The following TRDN variants were observed in gnomAD, a reference collection of about 807,000 sequenced individuals.
The protein encoded by TRDN is triadin in skeletal muscle.
A neutral mutation model predicts 149.7 loss-of-function variants in TRDN; 161 were observed. The observed-to-expected ratio is 1.08, with a 90% CI of 0.95 to 1.23. The LOEUF (loss-of-function observed/expected upper bound fraction) is 1.23. Ranked by LOEUF, TRDN falls within the 50% of genes most tolerant of loss-of-function variation. The pLI is 0.00. For missense variants in TRDN, 896 were observed against 823.5 expected (o/e 1.09, Z -1.08); for synonymous variants, 294 against 250.5 (o/e 1.17, Z -1.64).
At chr6:123,297,840 G>A (rs937489933) in intron 24 of TRDN, among the ~76,000 whole-genome samples, 9 of 151,948 alleles carry the variant, frequency 5.9e-5, no homozygotes, top group Non-Finnish European at 1.2e-4. Context: ...AAACAAAGTG[G>A]ATATACCTCA....
At chr6:123,267,646 T>C in intron 32 of TRDN, 61 bp downstream of exon 32, 1 of 1,216,148 alleles carries the variant, frequency 8.2e-7, no homozygotes, top group Non-Finnish European at 1.1e-6. Flanking sequence ...TTACTTTAAT[T>C]TTTGAATATA....
chr6:123,632,792 C>T (rs1236476532), intron 1 of TRDN, among the ~76,000 whole-genome samples: 1 of 151,884 alleles, frequency 6.6e-6, no homozygotes, highest in Non-Finnish European at 1.5e-5. Flanking sequence ...ATTTCACCAT[C>T]TGTCATGCTA....
chr6:123,515,825 C>A (rs1333441720), intron 6 of TRDN, among the ~76,000 whole-genome samples: 2 of 152,088 alleles, frequency 1.3e-5, no homozygotes, highest in South Asian at 2.1e-4. Context: ...ATGAGATCTA[C>A]TTTCTTACCT....
Position 123,636,668 on chromosome 6 carries a change from TA to T in TRDN, c.22+85del. 3 of 1,512,352 alleles carry T rather than the reference TA, an allele frequency of 2.0e-6. No homozygotes were observed. In the South Asian group the frequency reaches 3.4e-5, roughly 17 times the overall value. The allele number at this position is 1,512,352 out of a possible 1,614,324, so 93.7% of individuals were successfully genotyped here. A position where few individuals can be genotyped will look rare whatever the true frequency, so the allele number is the denominator to read the frequency against. ...AGGCAATTACCTTAAAGCAACATTT[TA>T]AATGGACACATCGACAGTTAATGTG... On this transcript the variant is annotated intron_variant, in intron 1 of 40. Transcript: ENST00000334268.
chr6:123,612,997 T>G (rs528561515), intron 1 of TRDN, among the ~76,000 whole-genome samples: 1 of 152,278 alleles, frequency 6.6e-6, no homozygotes, highest in African/African-American at 2.4e-5. Context: ...ATGACATTTC[T>G]TTCTCATCAT....
chr6:123,233,555 C>T (rs1045689357), intron 38 of TRDN, among the ~76,000 whole-genome samples: 2 of 152,006 alleles, frequency 1.3e-5, no homozygotes, highest in Non-Finnish European at 2.9e-5. Context: ...ATGAATGAGG[C>T]CACAGTGCTG....
rs188267911 is a variant in TRDN at position 123,567,418 on chromosome 6, G to A, written c.232+3505C>T. Among the ~76,000 whole-genome samples, 118 of 152,130 alleles carry A rather than the reference G, an allele frequency of 7.8e-4. 1 individual carries two copies. Among genetic ancestry groups the A allele is most frequent in the Admixed American group, 1.5e-3 (23 of 15,288 alleles). On this transcript the variant is annotated intron_variant, in intron 2 of 40. Transcript: ENST00000334268. ...ATCACACCTTGTATTAGGTTGTTCC[G>A]GCATTGCTATAAAGAAATACCTGAG...
At chr6:123,324,214 T>C (rs1779358030) in intron 23 of TRDN, among the ~76,000 whole-genome samples, 1 of 152,220 alleles carries the variant, frequency 6.6e-6, no homozygotes, top group Non-Finnish European at 1.5e-5. Context: ...GAATAATCAA[T>C]TAAGTAGATA....
intron 23 of TRDN, among the ~76,000 whole-genome samples, chr6:123,324,730 T>A (rs1367671): frequency 0.18 from 27,540 of 152,138 alleles, 3,500 homozygotes; most frequent in East Asian, 0.63. Context: ...TGGATGAAGA[T>A]TATAAAAATT....
chr6:123,314,242 G>GA (rs1161477700), intron 24 of TRDN, among the ~76,000 whole-genome samples: 2 of 151,802 alleles, frequency 1.3e-5, no homozygotes, highest in African/African-American at 2.4e-5. Flanking sequence ...ATAAGCATAT[G>GA]AAAAAAAGGC....
intron 10 of TRDN, among the ~76,000 whole-genome samples, chr6:123,453,890 GGTGT>G (rs533210679): frequency 8.1e-4 from 121 of 148,652 alleles, no homozygotes; most frequent in Middle Eastern, 6.8e-3. Flanking sequence ...AAGAAACTGT[GGTGT>G]GTGTGTGTGT....
intron 5 of TRDN, among the ~76,000 whole-genome samples, chr6:123,517,676 C>T (rs991579358): frequency 3.9e-5 from 6 of 152,118 alleles, no homozygotes; most frequent in African/African-American, 1.4e-4. Context: ...CACATGCCCT[C>T]ATGATGCCTT....
chr6:123,328,769 TGG>T (rs1779558193), intron 23 of TRDN, among the ~76,000 whole-genome samples: 1 of 152,186 alleles, frequency 6.6e-6, no homozygotes, highest in South Asian at 2.1e-4. Flanking sequence ...TTTTCTTGAA[TGG>T]GGGTTCCACT....
intron 14 of TRDN, among the ~76,000 whole-genome samples, chr6:123,387,366 A>G (rs1479584297): frequency 1.3e-5 from 2 of 152,186 alleles, no homozygotes; most frequent in Non-Finnish European, 2.9e-5. Flanking sequence ...TGTTAACATA[A>G]ATAACATATT....
In TRDN at chr6:123,278,331, C is replaced by T. The variant is rs1777451210; in HGVS notation, c.1554G>A (p.Lys518=). 2.3e-6 allele frequency: 3 copies of T among 1,295,244 alleles called. No homozygotes were observed. Among genetic ancestry groups the T allele is most frequent in the Non-Finnish European group, 3.1e-6 (3 of 961,130 alleles). 80.2% of individuals were successfully genotyped at this position (1,295,244 alleles called of 1,614,324 possible). ...KPKPPQLQGK[K]EEKPEPQIKK... ...AAATATACATACCTGGCTTCTCTTC[C>T]TTTTTTCCTTGTAGTTCTAAAAATA... Residue 518 remains lysine (K), a synonymous_variant, in exon 26 of 41, where the codon AAG becomes AAA. Coordinates refer to ENST00000334268, the MANE Select transcript of TRDN (RefSeq NM_006073.4).
At chr6:123,291,165 T>A (rs563052467) in intron 24 of TRDN, among the ~76,000 whole-genome samples, 1 of 152,120 alleles carries the variant, frequency 6.6e-6, no homozygotes, top group African/African-American at 2.4e-5. Flanking sequence ...AAAAAAAATG[T>A]ATTTTCTTTT....
intron 39 of TRDN, among the ~76,000 whole-genome samples, chr6:123,222,443 G>A (rs1025999183): frequency 1.3e-5 from 2 of 150,894 alleles, no homozygotes; most frequent in African/African-American, 4.9e-5. Flanking sequence ...TAGAAGCACT[G>A]GTCTATGAGT....
chr6:123,368,589 T>C (rs1781202391), intron 19 of TRDN, among the ~76,000 whole-genome samples: 3 of 152,148 alleles, frequency 2.0e-5, no homozygotes, highest in African/African-American at 7.2e-5. Flanking sequence ...GAGTCACTGA[T>C]ATACACAACT....
At chr6:123,245,569 C>A (rs991077614) in intron 38 of TRDN, among the ~76,000 whole-genome samples, 22 of 152,152 alleles carry the variant, frequency 1.4e-4, no homozygotes, top group African/African-American at 4.8e-4. Context: ...GCACCCAATA[C>A]AGGAGCACCC....
Sources: gnomAD v4.1 joint callset for allele counts (sites outside exome capture counted in the v4.1 genomes callset) on GRCh38, gnomAD v4.1.1 for gene constraint, MANE v1.5 for transcripts, NCBI Gene and HGNC (gene_info 2026-07-23, HGNC 2026-07-21) for gene names.